MCUB: variants seen among roughly 807,000 people sequenced by gnomAD.
MCUB encodes the protein calcium uniporter regulatory subunit MCUb, mitochondrial.
MCUB carries 46 observed loss-of-function variants against 41.4 expected under a neutral mutation model. The ratio of observed to expected loss-of-function variants is 1.11; its 90% CI spans 0.88 to 1.42. The LOEUF (loss-of-function observed/expected upper bound fraction) is 1.42. Ranked by LOEUF, MCUB falls within the 40% of genes most tolerant of loss-of-function variation. MCUB has a pLI of 0.00. For missense variants in MCUB, 403 were observed against 404.9 expected (o/e 1.00, Z 0.04); for synonymous variants, 148 against 148.2 (o/e 1.00, Z 0.01).
chr4:109,639,305 T>C (rs999747511), intron 1 of MCUB, among the ~76,000 whole-genome samples: 1 of 152,156 alleles, frequency 6.6e-6, no homozygotes, highest in African/African-American at 2.4e-5. Context: ...CCATCAGAGC[T>C]CTTGGATGAA....
At chr4:109,576,755 T>C (rs1193648206) in intron 1 of MCUB, among the ~76,000 whole-genome samples, 1 of 152,216 alleles carries the variant, frequency 6.6e-6, no homozygotes, top group Non-Finnish European at 1.5e-5. Flanking sequence ...AGGGATGGTG[T>C]ACTAACCTTG....
rs1729887397 is a variant in MCUB, at chr4:109,687,898, C to T, written c.*306C>T. ...TGAAAGGGTCTGTGCTTGGCATTCA[C>T]TTCCATTCTTAGACTTAATTTGGAA... is the stretch of plus-strand genomic sequence containing the variant. On this transcript the variant is annotated 3_prime_UTR_variant, in exon 8 of 8. Transcript: ENST00000394650. 4.1e-6 allele frequency: 1 copy of T among 242,128 alleles called. No individual in the cohort carries two copies. Among genetic ancestry groups the T allele is most frequent in the East Asian group, 8.8e-5 (1 of 11,318 alleles). The allele number at this position is 242,128 out of a possible 1,614,324, so 15.0% of individuals were successfully genotyped here.
chr4:109,613,112 GAAA>G (rs1425204798), intron 1 of MCUB, among the ~76,000 whole-genome samples: 1 of 149,968 alleles, frequency 6.7e-6, no homozygotes, highest in Non-Finnish European at 1.5e-5. Context: ...TCTCAAAAAA[GAAA>G]AAAAAGAATA....
At chr4:109,609,518 G>A (rs1219674199) in intron 1 of MCUB, among the ~76,000 whole-genome samples, 3 of 152,120 alleles carry the variant, frequency 2.0e-5, no homozygotes, top group Admixed American at 6.5e-5. Context: ...AGTTTTATCA[G>A]CAAAGTCTTT....
At chr4:109,597,804 A>G (rs197224) in intron 1 of MCUB, among the ~76,000 whole-genome samples, 77,896 of 147,536 alleles carry the variant, frequency 0.53, 20,730 homozygotes, top group South Asian at 0.69. Flanking sequence ...CAGACGGGGC[A>G]GCTGCTGGGC....
chr4:109,680,912 A>G lies in MCUB; in HGVS notation c.452-1670A>G, dbSNP rs1328659692. Among the ~76,000 whole-genome samples the G allele has an allele frequency of 3.9e-5, 6 of 152,296 alleles. No individual in the cohort carries two copies. In the East Asian group the frequency reaches 1.2e-3, roughly 29 times the overall value. ...CAGCTCTCAGAAGGGTATCAATCTG[A>G]GGGACTTCTCATAGCAGAGCCTAAT... On this transcript the variant is annotated intron_variant, in intron 4 of 7. Coordinates refer to ENST00000394650, the MANE Select transcript of MCUB (RefSeq NM_017918.5).
intron 1 of MCUB, among the ~76,000 whole-genome samples, chr4:109,602,224 T>A (rs542959355): frequency 1.4e-4 from 22 of 152,362 alleles, no homozygotes; most frequent in African/African-American, 4.8e-4. Context: ...TAACTTGATG[T>A]GAGTCCATTT....
At chr4:109,637,786 C>G (rs969706693) in intron 1 of MCUB, among the ~76,000 whole-genome samples, 1 of 152,176 alleles carries the variant, frequency 6.6e-6, no homozygotes, top group South Asian at 2.1e-4. Context: ...ATACTACACA[C>G]TGGGTACAGT....
At chr4:109,624,833 A>T (rs1728327411) in intron 1 of MCUB, among the ~76,000 whole-genome samples, 1 of 152,166 alleles carries the variant, frequency 6.6e-6, no homozygotes, top group African/African-American at 2.4e-5. Flanking sequence ...AAAGGAGAAC[A>T]AACTGTATAG....
chr4:109,684,105 C>T (rs767168178), intron 5 of MCUB, among the ~76,000 whole-genome samples: 1 of 150,652 alleles, frequency 6.6e-6, no homozygotes, highest in Admixed American at 6.6e-5. Flanking sequence ...CACTGTCGCC[C>T]AGGCTGGAGT....
At chr4:109,593,494 C>T (rs1013170544) in intron 1 of MCUB, among the ~76,000 whole-genome samples, 4 of 152,168 alleles carry the variant, frequency 2.6e-5, no homozygotes, top group Admixed American at 6.5e-5. Flanking sequence ...TCTGAGATCA[C>T]GCTGGGCCTT....
intron 4 of MCUB, chr4:109,673,813 C>T (rs949154159): frequency 6.1e-6 from 4 of 658,038 alleles, no homozygotes; most frequent in Middle Eastern, 4.4e-4. Context: ...GAGGTTTTTT[C>T]GCTCTAGGGA....
intron 1 of MCUB, among the ~76,000 whole-genome samples, chr4:109,573,867 A>ATTTTTTT (rs70954166): frequency 8.9e-6 from 1 of 112,530 alleles, no homozygotes; most frequent in African/African-American, 3.6e-5. Context: ...AAAGGGTTGA[A>ATTTTTTT]TTTTTTTTTT....
intron 7 of MCUB, among the ~76,000 whole-genome samples, 178 bp downstream of exon 7, chr4:109,685,545 C>T (rs569614938): frequency 6.6e-6 from 1 of 152,246 alleles, no homozygotes; most frequent in East Asian, 1.9e-4. Flanking sequence ...CCCAGTTTTA[C>T]TCTTCTGTAC....
At chr4:109,630,152 C>G (rs1305784679) in intron 1 of MCUB, among the ~76,000 whole-genome samples, 1 of 151,360 alleles carries the variant, frequency 6.6e-6, no homozygotes, top group African/African-American at 2.4e-5. Flanking sequence ...TGCTTTTTTT[C>G]TTTTTATCAG....
intron 1 of MCUB, among the ~76,000 whole-genome samples, chr4:109,610,434 T>C (rs1727980813): frequency 6.6e-6 from 1 of 152,204 alleles, no homozygotes; most frequent in African/African-American, 2.4e-5. Context: ...AATGATTCTA[T>C]AAGCATCTCA....
chr4:109,672,780 T>C (rs1012245776), intron 4 of MCUB, among the ~76,000 whole-genome samples: 5 of 152,188 alleles, frequency 3.3e-5, no homozygotes, highest in Non-Finnish European at 7.3e-5. Flanking sequence ...CTAACCATTA[T>C]CTGGTACAGT....
chr4:109,667,874 AT>A (rs1017465894), intron 4 of MCUB, among the ~76,000 whole-genome samples: 2 of 151,190 alleles, frequency 1.3e-5, no homozygotes, highest in African/African-American at 4.9e-5. Context: ...AAATATTTTA[AT>A]TTTTTTCTTG....
intron 1 of MCUB, among the ~76,000 whole-genome samples, chr4:109,635,277 C>G (rs1728565748): frequency 6.6e-6 from 1 of 152,148 alleles, no homozygotes; most frequent in Admixed American, 6.5e-5. Flanking sequence ...GTGCATGTGT[C>G]TTTATAGTAG....
Sources: allele counts gnomAD v4.1 joint callset (sites outside exome capture counted in the v4.1 genomes callset), GRCh38; gene constraint gnomAD v4.1.1; transcripts MANE v1.5; gene names NCBI Gene and HGNC (gene_info 2026-07-23, HGNC 2026-07-21).